RUFY3: variants seen among roughly 807,000 people sequenced by gnomAD.
RUFY3 encodes the protein RUN and FYVE domain containing 3.
RUFY3 carries 34 observed loss-of-function variants against 84.0 expected under a neutral mutation model. The ratio of observed to expected loss-of-function variants is 0.40; its 90% CI spans 0.31 to 0.54. The LOEUF (loss-of-function observed/expected upper bound fraction) is 0.54, where lower values mean the gene tolerates loss of function less well. Among genes scored for constraint, RUFY3 ranks in the 20% least tolerant of loss-of-function variants. The pLI, the probability that RUFY3 is intolerant of heterozygous loss-of-function variation, is 0.39. For synonymous variants in RUFY3, 242 were observed against 252.9 expected (o/e 0.96, Z 0.41); for missense variants, 507 against 736.8 (o/e 0.69, Z 3.61).
intron 8 of RUFY3, among the ~76,000 whole-genome samples, chr4:70,782,573 G>T (rs534943844): frequency 6.6e-6 from 1 of 152,064 alleles, no homozygotes; most frequent in African/African-American, 2.4e-5. Flanking sequence ...ATGAGCCACT[G>T]CACCTGGCCA....
At chr4:70,758,708 C>A (rs1040208608) in intron 1 of RUFY3, among the ~76,000 whole-genome samples, 1 of 151,306 alleles carries the variant, frequency 6.6e-6, no homozygotes, top group Admixed American at 6.6e-5. Flanking sequence ...TGGGAATATT[C>A]AAAATCCTCT....
At chr4:70,805,920 T>C (rs546799712) in intron 17 of RUFY3, among the ~76,000 whole-genome samples, 6 of 152,206 alleles carry the variant, frequency 3.9e-5, no homozygotes, top group African/African-American at 1.4e-4. Flanking sequence ...TAGTGACTTC[T>C]TGCTCTCTGT....
At chr4:70,797,394 A>T (rs922271274) in intron 14 of RUFY3, among the ~76,000 whole-genome samples, 1 of 152,188 alleles carries the variant, frequency 6.6e-6, no homozygotes, top group Admixed American at 6.5e-5. Context: ...GTTTTCCATG[A>T]ACTTTTTGAA....
intron 1 of RUFY3, among the ~76,000 whole-genome samples, chr4:70,723,464 T>C (rs1717704631): frequency 6.6e-6 from 1 of 152,238 alleles, no homozygotes; most frequent in African/African-American, 2.4e-5. Flanking sequence ...GTAACTATTA[T>C]GATCCATTTG....
intron 12 of RUFY3, chr4:70,791,079 G>T: frequency 1.4e-6 from 1 of 715,334 alleles, no homozygotes. Context: ...ATGATGTTTT[G>T]ACTTGGAATT....
At chr4:70,768,743 C>A in intron 5 of RUFY3, 82 bp downstream of exon 5, 1 of 1,242,960 alleles carries the variant, frequency 8.0e-7, no homozygotes, top group South Asian at 1.6e-5. Flanking sequence ...TTATACCAAC[C>A]AAATTAGGCC....
Position 70,715,588 on chromosome 4 carries a change from CAAAAAAAAAAAAAA to C in RUFY3, c.358+10306_358+10319del, listed in dbSNP as rs886636641. Among the ~76,000 whole-genome samples the C allele has an allele frequency of 5.5e-3, 259 of 46,692 alleles. 1 individual carries two copies. Among genetic ancestry groups the C allele is most frequent in the Non-Finnish European group, 7.5e-3 (181 of 24,270 alleles). The allele number at this position is 46,692 out of a possible 152,430, so 30.6% of individuals were successfully genotyped here. On this transcript the variant is annotated intron_variant, in intron 1 of 11. Coordinates refer to the RUFY3 transcript ENST00000417478. ...ACCCGGGTGAGAGTAACACTATCTCCAAAAAAAAAAAAAAAAAAAAAAAAAGCTACCCTTTCATG... is the reference window on the plus strand; with the variant it reads ...ACCCGGGTGAGAGTAACACTATCTCCAAAAAAAAAAAGCTACCCTTTCATG...
intron 14 of RUFY3, among the ~76,000 whole-genome samples, chr4:70,796,554 G>A (rs188551007): frequency 8.5e-5 from 13 of 152,222 alleles, no homozygotes; most frequent in South Asian, 6.2e-4. Flanking sequence ...CAAGTAGAAA[G>A]TTTACTCAAC....
chr4:70,796,941 CTTTTCTTTT>C (rs1208557327), intron 14 of RUFY3, among the ~76,000 whole-genome samples: 2 of 147,100 alleles, frequency 1.4e-5, no homozygotes, highest in Non-Finnish European at 3.0e-5. Flanking sequence ...CTTTTCTTTT[CTTTTCTTTT>C]TTTTTTTTTT....
At position 70,722,640 on chromosome 4, in the gene RUFY3, A is replaced by G; in HGVS notation, c.67A>G (p.Met23Val). 1.2e-6 allele frequency: 2 copies of G among 1,614,094 alleles called. No individual in the cohort carries two copies. The highest frequency in any genetic ancestry group is 1.7e-6 in the Non-Finnish European group (2 of 1,180,014). Reference protein sequence around the residue: ...PTTDKITQAAMETIYLCKFRV... With the variant: ...PTTDKITQAAVETIYLCKFRV... The stretch of plus-strand genomic sequence containing the variant: ...CACTGACAAGATCACACAGGCTGCC[A>G]TGGAGACCATCTACCTTTGCAAATT... Residue 23 changes from methionine to valine, a missense_variant, in exon 1 of 18, where the codon ATG becomes GTG. This residue lies in a region of RUFY3 where 133 missense variants were observed against 301.1 expected (regional missense o/e 0.44). Coordinates refer to ENST00000381006, the MANE Select transcript of RUFY3 (RefSeq NM_001037442.4).
intron 5 of RUFY3, among the ~76,000 whole-genome samples, chr4:70,769,461 A>T (rs1368004664): frequency 6.6e-6 from 1 of 152,264 alleles, no homozygotes; most frequent in African/African-American, 2.4e-5. Flanking sequence ...AAATGCTAAC[A>T]ATCACCTGAG....
chr4:70,806,400 C>G, intron 17 of RUFY3, 116 bp from the exon 18 acceptor site: 1 of 1,178,824 alleles, frequency 8.5e-7, no homozygotes, highest in Non-Finnish European at 1.2e-6. Flanking sequence ...ACATAGTAAA[C>G]ATTCAGTCAT....
intron 13 of RUFY3, 132 bp from the exon 14 acceptor site, chr4:70,794,663 C>T (rs1578245803): frequency 1.5e-6 from 1 of 669,684 alleles, no homozygotes; most frequent in Admixed American, 2.9e-5. Context: ...CATTTAAAAA[C>T]CTGTCTCTCT....
At chr4:70,713,654 G>C (rs910242561) in intron 1 of RUFY3, among the ~76,000 whole-genome samples, 3 of 152,194 alleles carry the variant, frequency 2.0e-5, no homozygotes, top group Non-Finnish European at 4.4e-5. Flanking sequence ...GTGGAAAGCT[G>C]AAGTCGTTGT....
At position 70,797,775 on chromosome 4, in the gene RUFY3, G is replaced by A. The variant is rs941145152; in HGVS notation, c.1558-2366G>A. Among the ~76,000 whole-genome samples the A allele has an allele frequency of 4.6e-5, 7 of 151,968 alleles. No individual in the cohort carries two copies. In the South Asian group the frequency reaches 6.3e-4, roughly 14 times the overall value. On this transcript the variant is annotated intron_variant, in intron 14 of 17. Coordinates refer to ENST00000381006, the MANE Select transcript of RUFY3 (RefSeq NM_001037442.4). ...GGAGAATTGGTTGAACCCGGGAGGCGGAGGTTGCAGTGAGCCAAGACTGAG... is the reference window on the plus strand; with the variant it reads ...GGAGAATTGGTTGAACCCGGGAGGCAGAGGTTGCAGTGAGCCAAGACTGAG...
intron 1 of RUFY3, among the ~76,000 whole-genome samples, chr4:70,707,901 A>T (rs1421551077): frequency 6.6e-6 from 1 of 152,208 alleles, no homozygotes; most frequent in Admixed American, 6.5e-5. Flanking sequence ...AGTCAATGGA[A>T]TATTGCTTTC....
chr4:70,749,854 T>C (rs1722851813), intron 1 of RUFY3, among the ~76,000 whole-genome samples: 1 of 152,010 alleles, frequency 6.6e-6, no homozygotes, highest in Non-Finnish European at 1.5e-5. Context: ...GGTCTCACCT[T>C]GTTGCCTAGC....
chr4:70,746,870 T>G (rs1198016020), intron 1 of RUFY3, among the ~76,000 whole-genome samples: 1 of 152,158 alleles, frequency 6.6e-6, no homozygotes, highest in Non-Finnish European at 1.5e-5. Flanking sequence ...AAGAACAGAT[T>G]AGTGGTTGGC....
upstream of RUFY3, among the ~76,000 whole-genome samples, chr4:70,718,831 C>T (rs1433160397): frequency 6.6e-6 from 1 of 152,054 alleles, no homozygotes; most frequent in Admixed American, 6.5e-5. Context: ...GATTCTCCTG[C>T]CTCAGCCTCC....
Sources: allele counts gnomAD v4.1 joint callset (sites outside exome capture counted in the v4.1 genomes callset), GRCh38; gene constraint gnomAD v4.1.1; regional missense constraint gnomAD v4.1.1; transcripts MANE v1.5; gene names NCBI Gene and HGNC (gene_info 2026-07-23, HGNC 2026-07-21).